Variants in FNIP1 observed in about 807,000 individuals in gnomAD.
The protein encoded by FNIP1 is folliculin interacting protein 1.
In FNIP1, 40 loss-of-function variants were observed where a neutral mutation model predicts 124.5. The observed-to-expected ratio is 0.32, with a 90% CI of 0.25 to 0.42. The LOEUF is 0.42. Among genes scored for constraint, FNIP1 ranks in the 10% least tolerant of loss-of-function variants. The pLI is 1.00. For missense variants in FNIP1, 1,176 were observed against 1,403.7 expected, an observed-to-expected ratio of 0.84 and a Z score of 2.59; for synonymous variants, 472 against 470.6, an observed-to-expected ratio of 1.00 and a Z score of -0.04.
chr5:131,699,118 C>G (rs1244296052), intron 10 of FNIP1, 116 bp from the exon 11 acceptor site: 1 of 632,222 alleles, frequency 1.6e-6, no homozygotes, highest in African/African-American at 1.9e-5. Context: ...AAATTCTTAT[C>G]GAGAAAGAAA....
intron 10 of FNIP1, among the ~76,000 whole-genome samples, chr5:131,703,610 C>T (rs1360301966): frequency 6.6e-6 from 1 of 152,138 alleles, no homozygotes; most frequent in African/African-American, 2.4e-5. Context: ...TCACCTGCTC[C>T]GTATTTCTGG....
chr5:131,649,651 G>C (rs954375631), intron 16 of FNIP1, among the ~76,000 whole-genome samples: 2 of 152,048 alleles, frequency 1.3e-5, no homozygotes. Flanking sequence ...TTAATTTGAT[G>C]AAATCCAATT....
intron 1 of FNIP1, among the ~76,000 whole-genome samples, chr5:131,785,029 C>CTAT (rs11375547): frequency 1.4e-3 from 19 of 13,208 alleles, no homozygotes; most frequent in African/African-American, 2.9e-3. Flanking sequence ...ATATATATGA[C>CTAT]ATATATATGA....
intron 2 of FNIP1, among the ~76,000 whole-genome samples, chr5:131,731,526 T>C (rs1399920175): frequency 6.6e-6 from 1 of 151,978 alleles, no homozygotes; most frequent in Non-Finnish European, 1.5e-5. Flanking sequence ...TGGTGGCACA[T>C]GCCTGTAATC....
intron 1 of FNIP1, among the ~76,000 whole-genome samples, chr5:131,762,230 T>G (rs1395938103): frequency 3.3e-5 from 5 of 151,848 alleles, no homozygotes; most frequent in African/African-American, 1.2e-4. Flanking sequence ...GTAATTAAAG[T>G]GAAAACAGAC....
chr5:131,794,167 G>A (rs1772499746), intron 1 of FNIP1, among the ~76,000 whole-genome samples: 1 of 142,316 alleles, frequency 7.0e-6, no homozygotes, highest in Non-Finnish European at 1.5e-5. Flanking sequence ...AGGAGGTCAA[G>A]GCTGCAATGA....
At chr5:131,692,931 C>T (rs188046495) in intron 11 of FNIP1, among the ~76,000 whole-genome samples, 29 of 151,716 alleles carry the variant, frequency 1.9e-4, no homozygotes, top group Admixed American at 1.9e-3. Context: ...TCACTTGAAC[C>T]CAGGAGGTGG....
intron 1 of FNIP1, among the ~76,000 whole-genome samples, chr5:131,785,057 A>ATG (rs1325695158): frequency 7.8e-5 from 1 of 12,834 alleles, no homozygotes; most frequent in South Asian, 2.2e-3. Flanking sequence ...GACTATATAT[A>ATG]TCATATATAT....
At chr5:131,707,804 T>G (rs1197427612) in intron 8 of FNIP1, among the ~76,000 whole-genome samples, 2 of 152,108 alleles carry the variant, frequency 1.3e-5, no homozygotes, top group Non-Finnish European at 2.9e-5. Context: ...ATGGCATATA[T>G]GAATCCAATA....
rs1031873687 is a variant in FNIP1, at chr5:131,754,048, G to A, written c.93-9358C>T. On this transcript the variant is annotated intron_variant, in intron 1 of 17. Transcript: ENST00000510461. ...AGGATGTTCTTGATCTCTTGACCTCGTGATGTGCCTGCCTTGGTCTCCCAA... is the reference window on the plus strand; with the variant it reads ...AGGATGTTCTTGATCTCTTGACCTCATGATGTGCCTGCCTTGGTCTCCCAA... Among the ~76,000 whole-genome samples the A allele has an allele frequency of 4.6e-5, 7 of 152,146 alleles. No homozygotes were observed. The South Asian group carries it at 6.2e-4, about 13-fold the overall frequency.
intron 14 of FNIP1, 150 bp downstream of exon 14, chr5:131,671,355 T>G: frequency 1.5e-6 from 1 of 682,076 alleles, no homozygotes; most frequent in Non-Finnish European, 2.4e-6. Context: ...GAGCTTAGCC[T>G]TTACTCCTTC....
intron 2 of FNIP1, among the ~76,000 whole-genome samples, chr5:131,732,937 G>A (rs746125005): frequency 4.5e-4 from 69 of 152,242 alleles, no homozygotes; most frequent in South Asian, 8.3e-4. Flanking sequence ...CTATTTTCAC[G>A]ATATTGATTC....
At chr5:131,646,906 G>C (rs1766900132) in intron 17 of FNIP1, among the ~76,000 whole-genome samples, 184 bp downstream of exon 17, 2 of 152,198 alleles carry the variant, frequency 1.3e-5, no homozygotes, top group Non-Finnish European at 2.9e-5. Context: ...AAGGGATAAT[G>C]CCTTTCAGAT....
chr5:131,677,948 G>A, intron 12 of FNIP1, 76 bp from the exon 13 acceptor site: 1 of 1,478,868 alleles, frequency 6.8e-7, no homozygotes, highest in Non-Finnish European at 9.2e-7. Context: ...GAAAAAGTAA[G>A]CAAGGGGAGT....
chr5:131,660,743 C>T (rs1230821909), intron 15 of FNIP1, among the ~76,000 whole-genome samples: 1 of 152,188 alleles, frequency 6.6e-6, no homozygotes, highest in Non-Finnish European at 1.5e-5. Flanking sequence ...TGGGCAGTTA[C>T]AAATTTGGGG....
chr5:131,711,251 G>A (rs1769282641), intron 6 of FNIP1, among the ~76,000 whole-genome samples: 1 of 152,172 alleles, frequency 6.6e-6, no homozygotes, highest in African/African-American at 2.4e-5. Flanking sequence ...ACTGTGGAAG[G>A]AGGAACACAA....
intron 11 of FNIP1, among the ~76,000 whole-genome samples, chr5:131,688,479 C>A (rs539163212): frequency 1.7e-3 from 256 of 151,576 alleles, no homozygotes; most frequent in African/African-American, 5.6e-3. Context: ...TAGAAAGCAA[C>A]AAAAACTAGT....
At chr5:131,730,404 T>C (rs1015830448) in intron 3 of FNIP1, among the ~76,000 whole-genome samples, 7 of 152,212 alleles carry the variant, frequency 4.6e-5, no homozygotes, top group Admixed American at 2.0e-4. Flanking sequence ...CAGATGACAC[T>C]TGCTAAGCAT....
At chr5:131,738,278 C>T (rs1449133992) in intron 2 of FNIP1, among the ~76,000 whole-genome samples, 7 of 152,088 alleles carry the variant, frequency 4.6e-5, no homozygotes, top group African/African-American at 1.2e-4. Context: ...CAGCTCTTGT[C>T]CTTCACTCAA....
Sources: allele counts gnomAD v4.1 joint callset (sites outside exome capture counted in the v4.1 genomes callset), GRCh38; gene constraint gnomAD v4.1.1; transcripts MANE v1.5; gene names NCBI Gene and HGNC (gene_info 2026-07-23, HGNC 2026-07-21).